Variants in KIF14 observed in about 807,000 individuals in gnomAD.
The protein encoded by KIF14 is kinesin family member 14.
Under a neutral mutation model 176.2 loss-of-function variants are expected in KIF14, and 98 were observed. That is an observed-to-expected ratio of 0.56 (90% CI 0.47 to 0.66). The LOEUF is 0.66. KIF14 is among the 30% of genes least tolerant of loss of function. KIF14 has a pLI of 0.00. For synonymous variants in KIF14, 566 were observed against 632.2 expected, an observed-to-expected ratio of 0.90 and a Z score of 1.57; for missense variants, 1,751 against 1,920.4, an observed-to-expected ratio of 0.91 and a Z score of 1.65.
chr1:200,593,927 GTTTTTTTTTTTT>G (rs57476742), intron 14 of KIF14, among the ~76,000 whole-genome samples, 158 bp from the exon 15 acceptor site: 1 of 100,528 alleles, frequency 9.9e-6, no homozygotes, highest in Non-Finnish European at 1.8e-5. Flanking sequence ...CCTCCAACTA[GTTTTTTTTTTTT>G]TTTTTTTTTG....
chr1:200,603,812 C>G (rs1238042045), intron 9 of KIF14, 27 bp downstream of exon 9: 1 of 1,376,664 alleles, frequency 7.3e-7, no homozygotes, highest in Non-Finnish European at 1.0e-6. Flanking sequence ...TAAATTTCAT[C>G]AAAAGGAGAA....
chr1:200,555,878 T>C (rs1656805864), intron 27 of KIF14, among the ~76,000 whole-genome samples: 1 of 152,152 alleles, frequency 6.6e-6, no homozygotes, highest in Non-Finnish European at 1.5e-5. Context: ...AATTGCACAT[T>C]GATTTCTATA....
intron 1 of KIF14, 131 bp downstream of exon 1, chr1:200,620,279 AG>A (rs1660618486): frequency 6.6e-6 from 1 of 152,256 alleles, no homozygotes; most frequent in Admixed American, 6.5e-5. Context: ...TTTCTGTTTG[AG>A]GAGTTTCGCC....
chr1:200,610,585 G>A (rs888645715), intron 4 of KIF14, among the ~76,000 whole-genome samples: 19 of 151,664 alleles, frequency 1.3e-4, no homozygotes, highest in Admixed American at 9.9e-4. Flanking sequence ...TCTGCATAAG[G>A]TTCAATTCAA....
In KIF14 at chr1:200,600,171, A is replaced by G. The variant is rs1028627156; in HGVS notation, c.2301-58T>C. ...AAACATCCAGATGTATAAGATTGAG[A>G]GTCAAGAGACAATCAATGAAAATTA... On this transcript the variant is annotated intron_variant, in intron 12 of 29. Coordinates refer to ENST00000367350, the MANE Select transcript of KIF14 (RefSeq NM_014875.3). The G allele has an allele frequency of 6.1e-6, 8 of 1,321,270 alleles. No homozygotes were observed. In the Admixed American group the frequency reaches 1.2e-4, roughly 20 times the overall value. 81.8% of individuals were successfully genotyped at this position (1,321,270 alleles called of 1,614,324 possible).
intron 19 of KIF14, among the ~76,000 whole-genome samples, chr1:200,581,948 T>A (rs1432879920): frequency 6.6e-6 from 1 of 151,910 alleles, no homozygotes; most frequent in Admixed American, 6.6e-5. Context: ...TTTCTTATAT[T>A]TTGTAGAGAG....
intron 22 of KIF14, among the ~76,000 whole-genome samples, chr1:200,572,952 T>A (rs1657890862): frequency 1.3e-5 from 2 of 152,214 alleles, no homozygotes; most frequent in Non-Finnish European, 2.9e-5. Context: ...GATATTACCA[T>A]CTGTTACTGG....
chr1:200,581,065 G>C, intron 20 of KIF14, 136 bp downstream of exon 20: 1 of 416,242 alleles, frequency 2.4e-6, no homozygotes, highest in Middle Eastern at 7.2e-4. Flanking sequence ...AGTGAGCCCA[G>C]ATTGCGCCAC....
At chr1:200,570,495 G>C (rs970209096) in intron 22 of KIF14, among the ~76,000 whole-genome samples, 1 of 152,188 alleles carries the variant, frequency 6.6e-6, no homozygotes, top group African/African-American at 2.4e-5. Flanking sequence ...GCAGGGAATA[G>C]TGTCTCAGAC....
At position 200,615,559 on chromosome 1, in the gene KIF14, A is replaced by C; in HGVS notation, c.1163T>G (p.Ile388Arg). Residue 388 changes from isoleucine (I) to arginine (R), a missense_variant, in exon 3 of 30, where the codon ATA (isoleucine) becomes AGA (arginine). Ile to Arg is a moderately conservative substitution (Grantham distance 97). Coordinates refer to ENST00000367350, the MANE Select transcript of KIF14 (RefSeq NM_014875.3). ...SQVVFMSGKEITVEHPDTKQV... is the reference protein window; with the variant it reads ...SQVVFMSGKERTVEHPDTKQV... ...TTTCGTGTCAGGGTGTTCCACAGTT[A>C]TTTCTTTCCCACTCATGAAGACTAC... 6.2e-7 allele frequency: 1 copy of C among 1,613,766 alleles called. No individual in the cohort carries two copies. Among genetic ancestry groups the C allele is most frequent in the Non-Finnish European group, 8.5e-7 (1 of 1,179,708 alleles).
Position 200,603,922 on chromosome 1 carries a change from T to C in KIF14, c.1780A>G (p.Arg594Gly). Residue 594 changes from arginine to glycine, a missense_variant, in exon 9 of 30, where the codon AGA becomes GGA. Physicochemically the swap from Arg to Gly is moderately radical, Grantham distance 125. Coordinates refer to ENST00000367350, the MANE Select transcript of KIF14 (RefSeq NM_014875.3). ...ATTAGGTTAATTCGACTTGTTATTC[T>C]GTGATCGTGTTCTTCCCCTTCCACA... Reference protein sequence around the residue: ...EFVEGEEHDHRITSRINLIDL... With the variant: ...EFVEGEEHDHGITSRINLIDL... 6.2e-7 allele frequency: 1 copy of C among 1,613,582 alleles called. No homozygotes were observed. The highest frequency in any genetic ancestry group is 8.5e-7 in the Non-Finnish European group (1 of 1,179,482).
At chr1:200,560,424 A>G (rs542810442) in intron 26 of KIF14, among the ~76,000 whole-genome samples, 5 of 152,242 alleles carry the variant, frequency 3.3e-5, no homozygotes, top group African/African-American at 1.2e-4. Flanking sequence ...GGCGTGGGCC[A>G]CCATGACTGG....
chr1:200,587,002 G>A (rs532488637), intron 18 of KIF14, among the ~76,000 whole-genome samples: 172 of 152,106 alleles, frequency 1.1e-3, no homozygotes, highest in African/African-American at 4.0e-3. Flanking sequence ...ATAATGCAGC[G>A]GTCCCCAACC....
intron 14 of KIF14, among the ~76,000 whole-genome samples, chr1:200,594,794 A>G (rs1489784795): frequency 6.6e-6 from 1 of 152,270 alleles, no homozygotes; most frequent in East Asian, 1.9e-4. Flanking sequence ...ATCTGTGATT[A>G]GAGAATAATA....
intron 17 of KIF14, among the ~76,000 whole-genome samples, chr1:200,589,766 C>G (rs1422304397): frequency 7.1e-6 from 1 of 141,240 alleles, no homozygotes; most frequent in Non-Finnish European, 1.5e-5. Context: ...ATCCTCCTAG[C>G]TCAGCCTTCT....
At chr1:200,591,717 C>G (rs1659061365) in intron 16 of KIF14, among the ~76,000 whole-genome samples, 1 of 152,154 alleles carries the variant, frequency 6.6e-6, no homozygotes, top group Admixed American at 6.5e-5. Flanking sequence ...GAAACCTTCC[C>G]TGATAACCGG....
intron 24 of KIF14, 53 bp from the exon 25 acceptor site, chr1:200,565,306 C>A: frequency 1.3e-6 from 2 of 1,507,270 alleles, no homozygotes; most frequent in Non-Finnish European, 1.8e-6. Flanking sequence ...AATAAAAGAA[C>A]TCATATATGA....
Position 200,608,891 on chromosome 1 carries a change from T to C in KIF14, c.1493A>G (p.Tyr498Cys). 1.1e-5 allele frequency: 17 copies of C among 1,609,596 alleles called. No individual in the cohort carries two copies. Among genetic ancestry groups the C allele is most frequent in the Non-Finnish European group, 1.3e-5 (15 of 1,176,218 alleles). Reference sequence around the variant, plus strand: ...CAGAAGGTCGTGAATTTTTTCATTATATACTTCAAAGAAGCTCATTTCAAT... The same window carrying C: ...CAGAAGGTCGTGAATTTTTTCATTACATACTTCAAAGAAGCTCATTTCAAT... Reference protein sequence around the residue: ...YHIEMSFFEVYNEKIHDLLVC... With the variant: ...YHIEMSFFEVCNEKIHDLLVC... Residue 498 changes from tyrosine to cysteine, a missense_variant, in exon 5 of 30, where the codon TAT (tyrosine) becomes TGT (cysteine). Transcript: ENST00000367350.
At chr1:200,577,699 CAAAAAAAG>C (rs946241778) in intron 21 of KIF14, among the ~76,000 whole-genome samples, 1 of 138,666 alleles carries the variant, frequency 7.2e-6, no homozygotes, top group African/African-American at 2.8e-5. Context: ...GACTCCGTCT[CAAAAAAAG>C]AAAAAAAGAA....
Sources: allele counts gnomAD v4.1 joint callset (sites outside exome capture counted in the v4.1 genomes callset), GRCh38; gene constraint gnomAD v4.1.1; transcripts MANE v1.5; gene names NCBI Gene and HGNC (gene_info 2026-07-23, HGNC 2026-07-21).